The following CATSPER1 variants were observed in gnomAD, a reference collection of about 807,000 sequenced individuals.
CATSPER1 encodes the protein cation channel sperm associated 1, also known as cation channel sperm-associated protein 1.
In CATSPER1, 57 loss-of-function variants were observed where a neutral mutation model predicts 72.7. The ratio of observed to expected loss-of-function variants is 0.78; its 90% CI spans 0.63 to 0.98. The LOEUF is 0.98. Among genes scored for constraint, CATSPER1 ranks in the 50% least tolerant of loss-of-function variants. The pLI is 0.00. For synonymous variants in CATSPER1, 363 were observed against 403.0 expected (o/e 0.90, Z 1.19); for missense variants, 910 against 1,033.9 (o/e 0.88, Z 1.64).
intron 10 of CATSPER1, among the ~76,000 whole-genome samples, chr11:66,018,278 TCCTGGTGCTCCCAGG>T (rs1415191180): frequency 2.0e-5 from 3 of 151,304 alleles, no homozygotes. Flanking sequence ...TGGGCAGGGC[TCCTGGTGCTCCCAGG>T]CCTGGCTCCC....
rs56947039 is a variant in CATSPER1, at chr11:66,025,073, G to A, written c.1216+91C>T. 8,017 of 1,539,088 alleles carry A rather than the reference G, an allele frequency of 5.2e-3. 320 individuals are homozygous for A. The African/African-American group carries it at 0.09, about 17-fold the overall frequency. ...CCTGTGCAGGAGGGTCGGGCCTTAC[G>A]ATCTGCGGAAGGACAGTGCGGGGCC... On this transcript the variant is annotated intron_variant, in intron 1 of 11. Transcript: ENST00000312106.
intron 10 of CATSPER1, 93 bp from the exon 11 acceptor site, chr11:66,017,267 G>A: frequency 1.2e-6 from 1 of 833,120 alleles, no homozygotes; most frequent in South Asian, 1.5e-5. Context: ...GGCTCTTCTT[G>A]CCTGCCTCCT....
chr11:66,018,698 C>T, intron 10 of CATSPER1, 129 bp downstream of exon 10: 4 of 1,001,312 alleles, frequency 4.0e-6, no homozygotes, highest in South Asian at 4.0e-5. Context: ...CCCACAGGCT[C>T]ATCCACAAGC....
rs370656188 is a variant in CATSPER1, at chr11:66,020,124, C to A, written c.2125+16G>T. 6.2e-7 allele frequency: 1 copy of A among 1,612,668 alleles called. No homozygotes were observed. Among genetic ancestry groups the A allele is most frequent in the Non-Finnish European group, 8.5e-7 (1 of 1,179,810 alleles). On this transcript the variant is annotated intron_variant, in intron 9 of 11. Coordinates refer to ENST00000312106, the MANE Select transcript of CATSPER1 (RefSeq NM_053054.4). This position sits in a 1 kb window ranked among gnomAD's most constrained non-coding sequence, Gnocchi z 4.5. ...TGCGGACGGGCAGGTGGGGCCAGGG[C>A]GGGCCAGGCCCATACCTGCAGCTCT... is the stretch of plus-strand genomic sequence containing the variant.
At chr11:66,024,271 GTTTT>G in intron 1 of CATSPER1, among the ~76,000 whole-genome samples, 1 of 110,600 alleles carries the variant, frequency 9.0e-6, no homozygotes, top group South Asian at 2.6e-4. Context: ...CAGCCTATTT[GTTTT>G]TTTTTTTTTT....
rs1187107061 is a variant in CATSPER1 at position 66,018,807 on chromosome 11, C to T, written c.2201+20G>A. 9 of 1,612,390 alleles carry T rather than the reference C, an allele frequency of 5.6e-6. No individual in the cohort carries two copies. In the South Asian group the frequency reaches 7.7e-5, roughly 14 times the overall value. On this transcript the variant is annotated intron_variant, in intron 10 of 11. Transcript: ENST00000312106. ...CCTCACCCTCAGACCCCAGGCCTCG[C>T]TCCCTTCCTGTCTCCTCACTTCTCA...
chr11:66,016,820 G>A lies in CATSPER1; in HGVS notation c.*70C>T, dbSNP rs781356591. 1.3e-6 allele frequency: 2 copies of A among 1,538,494 alleles called. No individual in the cohort carries two copies. Among genetic ancestry groups the A allele is most frequent in the African/African-American group, 2.7e-5 (2 of 73,128 alleles). ...GGACAATCATTCCAGCAGATCTGGG[G>A]ACCCGTCCCAGTGCACCCAGGTGGG... On this transcript the variant is annotated 3_prime_UTR_variant, in exon 12 of 12. Coordinates refer to ENST00000312106, the MANE Select transcript of CATSPER1 (RefSeq NM_053054.4).
chr11:66,017,201 G>T, intron 10 of CATSPER1, 27 bp from the exon 11 acceptor site: 1 of 1,490,300 alleles, frequency 6.7e-7, no homozygotes. Context: ...GGGTCGCAGA[G>T]ACAGGGGCTG....
At position 66,020,229 on chromosome 11, in the gene CATSPER1, G is replaced by A. The variant is rs1856327728; in HGVS notation, c.2065-29C>T. 2 of 1,613,928 alleles carry A rather than the reference G, an allele frequency of 1.2e-6. No homozygotes were observed. Among genetic ancestry groups the A allele is most frequent in the Middle Eastern group, 1.6e-4 (1 of 6,084 alleles). On this transcript the variant is annotated intron_variant, in intron 8 of 11. Transcript: ENST00000312106. This position sits in a 1 kb window ranked among gnomAD's most constrained non-coding sequence, Gnocchi z 4.5. ...GGAAGAAGAGGCCTCAGATCTGCCA[G>A]AGTCCCAGGCCTGCTCAACCCTGGA... is the stretch of plus-strand genomic sequence containing the variant.
chr11:66,016,908 T>G lies in CATSPER1; in HGVS notation c.2325A>C (p.Glu775Asp). 3 of 1,614,032 alleles carry G rather than the reference T, an allele frequency of 1.9e-6. No individual in the cohort carries two copies. Among genetic ancestry groups the G allele is most frequent in the Non-Finnish European group, 2.5e-6 (3 of 1,179,956 alleles). ...EIVDTTFEAG[E>D]EDFRN Reference sequence around the variant, plus strand: ...CCTGGGGTCAATTCCTGAAGTCCTCTTCTCCAGCCTGCAGGGGTGAGTGGG... The same window carrying G: ...CCTGGGGTCAATTCCTGAAGTCCTCGTCTCCAGCCTGCAGGGGTGAGTGGG... Residue 775 changes from glutamate to aspartate, a missense_variant, in exon 12 of 12, where the codon GAA becomes GAC. By Grantham distance (45) the Glu-to-Asp change is conservative. Transcript: ENST00000312106.
chr11:66,025,768 G>C lies in CATSPER1; in HGVS notation c.612C>G (p.His204Gln), dbSNP rs1856488415. 1.2e-6 allele frequency: 2 copies of C among 1,613,720 alleles called. No homozygotes were observed. Among genetic ancestry groups the C allele is most frequent in the Non-Finnish European group, 1.7e-6 (2 of 1,179,916 alleles). ...SEASHLSGLQ[H>Q]DESQHHQVPH... is the part of the protein sequence containing the mutation. ...GGACTTGGTGATGCTGGGACTCATC[G>C]TGTTGGAGCCCGCTAAGGTGGGAAG... The change falls in exon 1 of 12, where the codon CAC becomes CAG. Residue 204 changes from histidine (H) to glutamine (Q), a missense_variant. Physicochemically the swap from His to Gln is conservative, Grantham distance 24 (BLOSUM62 0). Coordinates refer to ENST00000312106, the MANE Select transcript of CATSPER1 (RefSeq NM_053054.4).
Position 66,021,088 on chromosome 11 carries a change from G to A in CATSPER1, c.1783+6C>T. The A allele has an allele frequency of 1.9e-6, 3 of 1,611,258 alleles. No homozygotes were observed. The highest frequency in any genetic ancestry group is 2.5e-6 in the Non-Finnish European group (3 of 1,178,942). On this transcript the variant is annotated splice_donor_region_variant and intron_variant, in intron 5 of 11. Coordinates refer to ENST00000312106, the MANE Select transcript of CATSPER1 (RefSeq NM_053054.4). ...CCCCACCCCAGCCCCTGCAGCACCA[G>A]GATACAGAGGCAGGTAAACATGAGG...
Position 66,020,225 on chromosome 11 carries a change from G to A in CATSPER1, c.2065-25C>T, listed in dbSNP as rs1590681405. 6.2e-7 allele frequency: 1 copy of A among 1,613,934 alleles called. No homozygotes were observed. The highest frequency in any genetic ancestry group is 1.3e-5 in the African/African-American group (1 of 74,938). On this transcript the variant is annotated intron_variant, in intron 8 of 11. Coordinates refer to ENST00000312106, the MANE Select transcript of CATSPER1 (RefSeq NM_053054.4). The surrounding 1 kb of genome is among the most constrained non-coding windows in gnomAD (Gnocchi z 4.5). ...TCTGGGAAGAAGAGGCCTCAGATCT[G>A]CCAGAGTCCCAGGCCTGCTCAACCC... is the stretch of plus-strand genomic sequence containing the variant.
intron 10 of CATSPER1, among the ~76,000 whole-genome samples, chr11:66,018,085 G>T (rs1395237722): frequency 6.6e-6 from 1 of 151,868 alleles, no homozygotes; most frequent in African/African-American, 2.4e-5. Flanking sequence ...ACATGCACCT[G>T]TAATCCCAGC....
In CATSPER1 at chr11:66,026,241, G is replaced by C; in HGVS notation, c.139C>G (p.His47Asp). Residue 47 changes from histidine to aspartate, a missense_variant, in exon 1 of 12, where the codon CAT becomes GAT. His to Asp is a moderately conservative substitution (Grantham distance 81). Transcript: ENST00000312106. The stretch of plus-strand genomic sequence containing the variant: ...CCACGTTGGTGGGGCACGCCGTGAT[G>C]GTGCAACTCGTAATGGTGGAGAGCT... ...SRALHHYELH[H>D]HGVPHQRGES... 6.2e-7 allele frequency: 1 copy of C among 1,613,758 alleles called. No homozygotes were observed. The highest frequency in any genetic ancestry group is 8.5e-7 in the Non-Finnish European group (1 of 1,179,622).
chr11:66,018,207 CAA>C (rs539636076), intron 10 of CATSPER1, among the ~76,000 whole-genome samples: 35 of 67,658 alleles, frequency 5.2e-4, no homozygotes, highest in Non-Finnish European at 5.2e-4. Flanking sequence ...GACCCTGTCT[CAA>C]AAAAAAAAAA....
intron 9 of CATSPER1, among the ~76,000 whole-genome samples, chr11:66,019,622 G>A (rs1856311538): frequency 6.6e-6 from 1 of 151,994 alleles, no homozygotes; most frequent in African/African-American, 2.4e-5. Context: ...AGGTGTTGTG[G>A]CTCACACCTG....
chr11:66,021,419 G>A (rs1473935516), intron 4 of CATSPER1, 77 bp downstream of exon 4: 19 of 1,558,712 alleles, frequency 1.2e-5, no homozygotes, highest in African/African-American at 8.1e-5. Flanking sequence ...AGGTCACAGT[G>A]GATTTCTTTG....
At position 66,021,501 on chromosome 11, in the gene CATSPER1, C is replaced by G. The variant is rs1384570279; in HGVS notation, c.1686G>C (p.Arg562Ser). The G allele has an allele frequency of 6.2e-7, 1 of 1,613,260 alleles. No homozygotes were observed. Among genetic ancestry groups the G allele is most frequent in the South Asian group, 1.1e-5 (1 of 91,058 alleles). ...RALRAIRVLR[R>S]LSFLTSVQEV... ...TGGGAGCCGTGGCCACTGACCTGAG[C>G]CTCCGCAGGACCCGGATTGCCCTCA... is the stretch of plus-strand genomic sequence containing the variant. Residue 562 changes from arginine to serine, a missense_variant, in exon 4 of 12, where the codon AGG becomes AGC. Arg to Ser is a moderately radical substitution (Grantham distance 110). Coordinates refer to ENST00000312106, the MANE Select transcript of CATSPER1 (RefSeq NM_053054.4).
Sources: gnomAD v4.1 joint callset for allele counts (sites outside exome capture counted in the v4.1 genomes callset) on GRCh38, gnomAD v4.1.1 for gene constraint, Gnocchi (gnomAD v3.1) non-coding constraint, MANE v1.5 for transcripts, NCBI Gene and HGNC (gene_info 2026-07-23, HGNC 2026-07-21) for gene names.